The following TMEM117 variants were observed in gnomAD, a reference collection of about 807,000 sequenced individuals.
TMEM117 encodes the protein transmembrane protein 117.
Under a neutral mutation model 52.4 loss-of-function variants are expected in TMEM117, and 27 were observed. The ratio of observed to expected loss-of-function variants is 0.51; its 90% CI spans 0.38 to 0.71. The LOEUF (loss-of-function observed/expected upper bound fraction) is 0.71. Among genes scored for constraint, TMEM117 ranks in the 30% least tolerant of loss-of-function variants. The pLI is 0.00. For missense variants in TMEM117, 556 were observed against 630.5 expected, an observed-to-expected ratio of 0.88 and a Z score of 1.26; for synonymous variants, 215 against 206.3, an observed-to-expected ratio of 1.04 and a Z score of -0.36.
chr12:44,008,628 G>A (rs1388421921), intron 3 of TMEM117: 2 of 222,616 alleles, frequency 9.0e-6, no homozygotes, highest in African/African-American at 2.4e-5. Flanking sequence ...TCTCAGTTTA[G>A]CGACATTAAA....
intron 5 of TMEM117, among the ~76,000 whole-genome samples, chr12:44,262,604 T>C (rs1160227123): frequency 6.6e-6 from 1 of 152,200 alleles, no homozygotes; most frequent in Non-Finnish European, 1.5e-5. Context: ...ATTAATGTGA[T>C]CTACCATGAT....
At chr12:44,029,782 G>C (rs1946603625) in intron 3 of TMEM117, among the ~76,000 whole-genome samples, 1 of 151,718 alleles carries the variant, frequency 6.6e-6, no homozygotes, top group East Asian at 1.9e-4. Context: ...ATAGAACACA[G>C]GCTTAGGACA....
chr12:43,867,531 A>T (rs539249036), intron 2 of TMEM117, among the ~76,000 whole-genome samples: 1 of 152,222 alleles, frequency 6.6e-6, no homozygotes, highest in Non-Finnish European at 1.5e-5. Context: ...CAAGGCAGAG[A>T]TTGTCAGACT....
the TMEM117 span, chr12:43,802,220 A>C: frequency 2.8e-6 from 3 of 1,086,282 alleles, no homozygotes; most frequent in Non-Finnish European, 3.9e-6. Context: ...CCTTTATTTG[A>C]CCTAGAAATT....
At chr12:44,342,569 T>A (rs552932175) in intron 6 of TMEM117, among the ~76,000 whole-genome samples, 1 of 151,456 alleles carries the variant, frequency 6.6e-6, no homozygotes, top group Non-Finnish European at 1.5e-5. Flanking sequence ...AATTTGCATA[T>A]GTAGGCAGAG....
intron 2 of TMEM117, among the ~76,000 whole-genome samples, chr12:43,914,967 G>C (rs1057204547): frequency 4.6e-5 from 7 of 152,044 alleles, no homozygotes; most frequent in African/African-American, 1.7e-4. Flanking sequence ...ATCTTCTTGG[G>C]ATTTTCTTCT....
intron 6 of TMEM117, among the ~76,000 whole-genome samples, chr12:44,351,308 G>T (rs1951558840): frequency 6.6e-6 from 1 of 151,886 alleles, no homozygotes; most frequent in Non-Finnish European, 1.5e-5. Flanking sequence ...TCTGTGAGTT[G>T]TCTCTTCACT....
intron 2 of TMEM117, among the ~76,000 whole-genome samples, chr12:43,901,320 T>C (rs899372881): frequency 6.6e-6 from 1 of 152,172 alleles, no homozygotes; most frequent in Non-Finnish European, 1.5e-5. Flanking sequence ...TTTGGTTTTT[T>C]TTGTTTTTGA....
chr12:44,273,909 AC>A (rs1476151571), intron 5 of TMEM117, among the ~76,000 whole-genome samples: 15 of 152,178 alleles, frequency 9.9e-5, no homozygotes, highest in African/African-American at 3.6e-4. Context: ...AAGATCTGGA[AC>A]ATGACAAGAA....
the TMEM117 span, among the ~76,000 whole-genome samples, chr12:43,796,700 T>C: frequency 1.3e-5 from 2 of 152,044 alleles, no homozygotes; most frequent in African/African-American, 2.4e-5. Flanking sequence ...ATTTAGCTAA[T>C]GAGAATTTGA....
chr12:44,164,864 TAA>T (rs1475726776), intron 4 of TMEM117, among the ~76,000 whole-genome samples: 1 of 152,218 alleles, frequency 6.6e-6, no homozygotes, highest in Non-Finnish European at 1.5e-5. Context: ...GTGTAATGAT[TAA>T]ATCAGGGTAT....
chr12:44,157,713 A>G (rs1345606805), intron 4 of TMEM117, among the ~76,000 whole-genome samples: 1 of 152,172 alleles, frequency 6.6e-6, no homozygotes, highest in Non-Finnish European at 1.5e-5. Context: ...TGATGAAAAC[A>G]CAATAAAAAG....
At chr12:43,877,560 G>A (rs61930693) in intron 2 of TMEM117, among the ~76,000 whole-genome samples, 9,332 of 151,658 alleles carry the variant, frequency 0.062, 359 homozygotes, top group Middle Eastern at 0.13. Context: ...ACTTGAACCC[G>A]GGAGGTGGAG....
At chr12:43,992,171 T>C (rs1945953376) in intron 3 of TMEM117, among the ~76,000 whole-genome samples, 1 of 151,036 alleles carries the variant, frequency 6.6e-6, no homozygotes, top group Non-Finnish European at 1.5e-5. Context: ...AGATCCTGTC[T>C]CCAAAAAAAA....
chr12:43,808,955 C>CT, the TMEM117 span, among the ~76,000 whole-genome samples: 1 of 151,332 alleles, frequency 6.6e-6, no homozygotes, highest in African/African-American at 2.4e-5. Context: ...TGTAAAATCT[C>CT]TATTTCAATT....
intron 4 of TMEM117, among the ~76,000 whole-genome samples, chr12:44,204,722 A>G (rs1349826988): frequency 3.3e-5 from 5 of 152,196 alleles, no homozygotes; most frequent in African/African-American, 7.2e-5. Flanking sequence ...CCAGTGGAAC[A>G]GGTTAGAGAA....
intron 3 of TMEM117, among the ~76,000 whole-genome samples, chr12:43,967,383 A>G (rs1314850101): frequency 2.0e-5 from 3 of 152,096 alleles, no homozygotes; most frequent in Non-Finnish European, 2.9e-5. Flanking sequence ...TTGGATTCCT[A>G]AAGTGCTGGG....
intron 4 of TMEM117, among the ~76,000 whole-genome samples, chr12:44,194,409 G>A (rs932207173): frequency 6.6e-6 from 1 of 152,212 alleles, no homozygotes; most frequent in Admixed American, 6.5e-5. Context: ...GATTAGTTCC[G>A]TTTTGCTAAT....
chr12:43,997,372 A>C (rs1946048285), intron 3 of TMEM117, among the ~76,000 whole-genome samples: 1 of 152,164 alleles, frequency 6.6e-6, no homozygotes, highest in Admixed American at 6.5e-5. Flanking sequence ...TGGTATAAGG[A>C]CAGGGGACTT....
Sources: allele counts gnomAD v4.1 joint callset (sites outside exome capture counted in the v4.1 genomes callset), GRCh38; gene constraint gnomAD v4.1.1; transcripts MANE v1.5; gene names NCBI Gene and HGNC (gene_info 2026-07-23, HGNC 2026-07-21).